GCG: variants seen among roughly 807,000 people sequenced by gnomAD.
The protein encoded by GCG is glucagon.
Under a neutral mutation model 22.8 loss-of-function variants are expected in GCG, and 11 were observed. The observed-to-expected ratio is 0.48, with a 90% CI of 0.30 to 0.80. The LOEUF (loss-of-function observed/expected upper bound fraction) is 0.80, where lower values mean the gene tolerates loss of function less well. GCG is among the 30% of genes least tolerant of loss of function. GCG has a pLI of 0.06. For missense variants in GCG, 222 were observed against 222.0 expected, an observed-to-expected ratio of 1.00 and a Z score of 0.00; for synonymous variants, 89 against 72.4, an observed-to-expected ratio of 1.23 and a Z score of -1.16.
chr2:162,144,278 G>C, intron 4 of GCG, 108 bp from the exon 5 acceptor site: 1 of 887,376 alleles, frequency 1.1e-6, no homozygotes, highest in South Asian at 1.5e-5. Flanking sequence ...AAACAGTAAA[G>C]GATTCTGTTT....
intron 2 of GCG, 53 bp downstream of exon 2, chr2:162,149,034 A>C: frequency 9.6e-7 from 1 of 1,044,668 alleles, no homozygotes; most frequent in South Asian, 1.3e-5. Flanking sequence ...TAGTTTTCAC[A>C]GGCTTTATTC....
In GCG at chr2:162,144,105, T is replaced by C; in HGVS notation, c.458A>G (p.Asp153Gly). The C allele has an allele frequency of 6.2e-7, 1 of 1,612,376 alleles. No individual in the cohort carries two copies. ...ATTATCAAGAATGGTGTTCATCTCA[T>C]CAGAGAAAGAACCATCAGCATGTCT... ...GRRHADGSFS[D>G]EMNTILDNLA... Residue 153 changes from aspartate (D) to glycine (G), a missense_variant, in exon 5 of 6, where the codon GAT becomes GGT. By Grantham distance (94) the Asp-to-Gly change is moderately conservative. Transcript: ENST00000418842.
At chr2:162,150,597 T>A (rs1212595724) in intron 1 of GCG, among the ~76,000 whole-genome samples, 1 of 152,164 alleles carries the variant, frequency 6.6e-6, no homozygotes, top group Non-Finnish European at 1.5e-5. Flanking sequence ...GTTGGCAGAC[T>A]TTGGAAACCT....
In GCG at chr2:162,149,129, C is replaced by T. The variant is rs1321307444; in HGVS notation, c.50G>A (p.Gly17Asp). Residue 17 changes from glycine (G) to aspartate (D), a missense_variant, in exon 2 of 6, where the codon GGC (glycine) becomes GAC (aspartate). Gly to Asp is a moderately conservative substitution (Grantham distance 94). Transcript: ENST00000418842. The stretch of plus-strand genomic sequence containing the variant: ...GTCTTGAAGGGAACGTTGCCAGCTG[C>T]CTTGTACCAGCATTACAAATAATCC... The part of the protein sequence containing the change: ...VAGLFVMLVQ[G>D]SWQRSLQDTE... The T allele has an allele frequency of 6.2e-6, 10 of 1,612,496 alleles. No homozygotes were observed. In the Admixed American group the frequency reaches 1.2e-4, roughly 19 times the overall value.
At chr2:162,145,266 C>T (rs1205107905) in intron 4 of GCG, 1 of 290,528 alleles carries the variant, frequency 3.4e-6, no homozygotes, top group African/African-American at 2.2e-5. Context: ...TATTTACTCT[C>T]AGAGGTGGCC....
intron 1 of GCG, among the ~76,000 whole-genome samples, chr2:162,149,924 C>A (rs374935193): frequency 6.6e-6 from 1 of 152,218 alleles, no homozygotes; most frequent in South Asian, 2.1e-4. Context: ...AAAATTAGAG[C>A]TTGCTTCTAA....
rs1208478397 is a variant in GCG at position 162,149,146 on chromosome 2, A to C, written c.33T>G (p.Phe11Leu). ...GCCAGCTGCCTTGTACCAGCATTAC[A>C]AATAATCCAGCCACAAAGTAAATGC... Reference protein sequence around the residue: MKSIYFVAGLFVMLVQGSWQR... With the variant: MKSIYFVAGLLVMLVQGSWQR... The change falls in exon 2 of 6, where the codon TTT becomes TTG. Residue 11 changes from phenylalanine to leucine, a missense_variant. Phe to Leu is a conservative substitution (Grantham distance 22, BLOSUM62 0). Transcript: ENST00000418842. 1.2e-6 allele frequency: 2 copies of C among 1,612,552 alleles called. No homozygotes were observed. Among genetic ancestry groups the C allele is most frequent in the Non-Finnish European group, 1.7e-6 (2 of 1,178,868 alleles).
intron 3 of GCG, 70 bp from the exon 4 acceptor site, chr2:162,145,747 G>T: frequency 1.5e-6 from 2 of 1,325,580 alleles, no homozygotes; most frequent in Non-Finnish European, 2.1e-6. Context: ...TATAAGCAGT[G>T]GCAACTTTGG....
chr2:162,146,008 A>ATG (rs1203958439), intron 3 of GCG, among the ~76,000 whole-genome samples: 1 of 152,176 alleles, frequency 6.6e-6, no homozygotes, highest in Non-Finnish European at 1.5e-5. Context: ...CCACTGCACT[A>ATG]TGTGACTTGC....
chr2:162,151,090 T>C (rs1333095051), intron 1 of GCG, among the ~76,000 whole-genome samples: 2 of 152,130 alleles, frequency 1.3e-5, no homozygotes, highest in Non-Finnish European at 2.9e-5. Context: ...AGTATTAAAA[T>C]CTTATTCAAT....
Position 162,143,245 on chromosome 2 carries a change from T to C in GCG, c.*119A>G. 2 of 447,640 alleles carry C rather than the reference T, an allele frequency of 4.5e-6. No individual in the cohort carries two copies. The highest frequency in any genetic ancestry group is 4.0e-6 in the Non-Finnish European group (1 of 247,408). The allele number at this position is 447,640 out of a possible 1,614,324, so 27.7% of individuals were successfully genotyped here. Reference sequence around the variant, plus strand: ...CAACACTAAAAGAAAATTTATTTATTGGCATGCAAAGCAATGTGGCCTCAG... The same window carrying C: ...CAACACTAAAAGAAAATTTATTTATCGGCATGCAAAGCAATGTGGCCTCAG... On this transcript the variant is annotated 3_prime_UTR_variant, in exon 6 of 6. Coordinates refer to ENST00000418842, the MANE Select transcript of GCG (RefSeq NM_002054.5).
chr2:162,148,217 T>C (rs933737241), intron 2 of GCG, among the ~76,000 whole-genome samples: 1 of 152,110 alleles, frequency 6.6e-6, no homozygotes, highest in Non-Finnish European at 1.5e-5. Flanking sequence ...TGCATGTGTA[T>C]GAACTTTCTG....
chr2:162,149,208 G>C (rs766273419), intron 1 of GCG, 21 bp from the exon 2 acceptor site: 14 of 1,402,898 alleles, frequency 1.0e-5, no homozygotes, highest in Non-Finnish European at 1.2e-5. Context: ...ACAGAATGGG[G>C]GTAGGGTGAG....
rs138170714 is a variant in GCG at position 162,143,674 on chromosome 2, G to A, written c.537-304C>T. Among the ~76,000 whole-genome samples the A allele has an allele frequency of 5.9e-5, 9 of 152,176 alleles. No individual in the cohort carries two copies. In the East Asian group the frequency reaches 1.7e-3, roughly 29 times the overall value. ...CTTATTAAATTAAGTATGTAATATT[G>A]TATATGCTGCATTTCACCTTTGTGC... On this transcript the variant is annotated intron_variant, in intron 5 of 5. Coordinates refer to ENST00000418842, the MANE Select transcript of GCG (RefSeq NM_002054.5).
intron 5 of GCG, among the ~76,000 whole-genome samples, chr2:162,143,616 A>G (rs1331430302): frequency 6.6e-6 from 1 of 152,148 alleles, no homozygotes; most frequent in Non-Finnish European, 1.5e-5. Context: ...CATCAAGATA[A>G]GTATTTTTCG....
At chr2:162,144,502 T>C (rs1686632932) in intron 4 of GCG, 1 of 202,258 alleles carries the variant, frequency 4.9e-6, no homozygotes. Flanking sequence ...TATCATATCC[T>C]ATAAAACCAG....
Position 162,149,211 on chromosome 2 carries a change from A to T in GCG, c.-9-24T>A, listed in dbSNP as rs1686771942. On this transcript the variant is annotated intron_variant, in intron 1 of 5. Transcript: ENST00000418842. ...GTCTGTCAGAACACAGAATGGGGGT[A>T]GGGTGAGGGGGGCAGGCAAGGATTT... 2.9e-6 allele frequency: 4 copies of T among 1,370,402 alleles called. No homozygotes were observed. In the East Asian group the frequency reaches 9.2e-5, roughly 31 times the overall value. The allele number at this position is 1,370,402 out of a possible 1,614,324, so 84.9% of individuals were successfully genotyped here.
intron 3 of GCG, among the ~76,000 whole-genome samples, chr2:162,146,370 G>A (rs1686684252): frequency 2.0e-5 from 3 of 152,038 alleles, no homozygotes; most frequent in Admixed American, 2.0e-4. Flanking sequence ...GAGGACAGTT[G>A]TTTGCATTTT....
chr2:162,149,250 G>C, intron 1 of GCG, 63 bp from the exon 2 acceptor site: 2 of 878,782 alleles, frequency 2.3e-6, no homozygotes, highest in Non-Finnish European at 1.9e-6. Context: ...AACATGTCAG[G>C]CTAAATTAAT....
Sources: allele counts gnomAD v4.1 joint callset (sites outside exome capture counted in the v4.1 genomes callset), GRCh38; gene constraint gnomAD v4.1.1; transcripts MANE v1.5; gene names NCBI Gene and HGNC (gene_info 2026-07-23, HGNC 2026-07-21).